Variants in COL21A1 observed in about 807,000 individuals in gnomAD.
The protein encoded by COL21A1 is collagen type XXI alpha 1 chain, also known as collagen alpha-1(XXI) chain.
In COL21A1, 149 loss-of-function variants were observed where a neutral mutation model predicts 137.9. The observed-to-expected ratio is 1.08, with a 90% CI of 0.95 to 1.24. The LOEUF is 1.24. COL21A1 is among the 50% of genes most tolerant of loss of function. The pLI is 0.00. For missense variants in COL21A1, 1,167 were observed against 1,158.4 expected, an observed-to-expected ratio of 1.01 and a Z score of -0.11; for synonymous variants, 456 against 391.5, an observed-to-expected ratio of 1.16 and a Z score of -1.95.
intron 1 of COL21A1, among the ~76,000 whole-genome samples, chr6:56,260,300 C>A (rs935052733): frequency 1.3e-5 from 2 of 151,964 alleles, no homozygotes; most frequent in Non-Finnish European, 2.9e-5. Context: ...AACATGGAAT[C>A]TGGCCAGGTG....
intron 17 of COL21A1, among the ~76,000 whole-genome samples, chr6:56,093,335 C>A (rs1255662016): frequency 6.6e-6 from 1 of 152,094 alleles, no homozygotes; most frequent in African/African-American, 2.4e-5. Context: ...AAATTCTTAT[C>A]TAAATTAATA....
chr6:56,376,037 A>C (rs2093998600), intron 1 of COL21A1, among the ~76,000 whole-genome samples: 2 of 152,214 alleles, frequency 1.3e-5, no homozygotes, highest in Non-Finnish European at 2.9e-5. Context: ...TAGCTGACGT[A>C]TTCTCCAGAA....
intron 1 of COL21A1, among the ~76,000 whole-genome samples, chr6:56,377,809 A>G (rs1015448026): frequency 2.6e-5 from 4 of 151,950 alleles, no homozygotes; most frequent in African/African-American, 9.7e-5. Flanking sequence ...TCCAAAAGAG[A>G]TATGTTCCTT....
At chr6:56,130,110 C>T (rs1313877084) in intron 12 of COL21A1, among the ~76,000 whole-genome samples, 2 of 145,498 alleles carry the variant, frequency 1.4e-5, no homozygotes, top group African/African-American at 5.1e-5. Context: ...AGGAACACAG[C>T]TGAAGCAGGG....
chr6:56,148,332 A>G (rs1323020509), intron 10 of COL21A1, among the ~76,000 whole-genome samples: 1 of 24,712 alleles, frequency 4.0e-5, no homozygotes, highest in Non-Finnish European at 9.2e-5. Context: ...TTAGTGAGAC[A>G]AGAGACAGAG....
intron 9 of COL21A1, among the ~76,000 whole-genome samples, chr6:56,159,727 A>G (rs771200962): frequency 2.0e-5 from 3 of 149,144 alleles, no homozygotes; most frequent in Non-Finnish European, 4.4e-5. Context: ...ACAATCTGTC[A>G]TTTACCCACT....
chr6:56,126,029 T>C, intron 13 of COL21A1, 67 bp downstream of exon 13: 3 of 898,766 alleles, frequency 3.3e-6, no homozygotes, highest in Non-Finnish European at 3.4e-6. Context: ...ATTTGTAATA[T>C]AAAAGTACTT....
intron 1 of COL21A1, among the ~76,000 whole-genome samples, chr6:56,359,758 T>C (rs2152348240): frequency 6.6e-6 from 1 of 152,306 alleles, no homozygotes; most frequent in South Asian, 2.1e-4. Flanking sequence ...TCAGTGGTTT[T>C]GGCAGAGAGA....
At chr6:56,200,027 T>A (rs1325361077) in intron 1 of COL21A1, among the ~76,000 whole-genome samples, 6 of 152,116 alleles carry the variant, frequency 3.9e-5, no homozygotes, top group African/African-American at 1.4e-4. Flanking sequence ...AGAAGGCCTC[T>A]CTAAAAAGGT....
chr6:56,136,692 T>C (rs961684654), intron 12 of COL21A1, among the ~76,000 whole-genome samples: 5 of 152,156 alleles, frequency 3.3e-5, no homozygotes, highest in African/African-American at 1.2e-4. Context: ...AAAAATGTCT[T>C]TGTGTGTGTG....
intron 1 of COL21A1, among the ~76,000 whole-genome samples, chr6:56,288,676 C>T (rs1763969989): frequency 6.6e-6 from 1 of 152,088 alleles, no homozygotes; most frequent in Admixed American, 6.6e-5. Context: ...AGTATACAAG[C>T]CAAAACCAAG....
At chr6:56,153,739 T>C (rs1339004377) in intron 10 of COL21A1, among the ~76,000 whole-genome samples, 1 of 152,164 alleles carries the variant, frequency 6.6e-6, no homozygotes, top group Non-Finnish European at 1.5e-5. Flanking sequence ...TTGACAACAA[T>C]AACACACCTA....
rs371094018 is a variant in COL21A1, at chr6:56,069,101, G to A, written c.2036C>T (p.Thr679Met). The A allele has an allele frequency of 3.8e-5, 61 of 1,598,170 alleles. No homozygotes were observed. Among genetic ancestry groups the A allele is most frequent in the Admixed American group, 2.9e-4 (17 of 58,074 alleles). The change falls in exon 22 of 30, where the codon ACG (threonine) becomes ATG (methionine). Residue 679 changes from threonine (T) to methionine (M), a missense_variant. By Grantham distance (81) the Thr-to-Met change is moderately conservative (BLOSUM62 -1). Coordinates refer to ENST00000244728, the MANE Select transcript of COL21A1 (RefSeq NM_030820.4). The part of the protein sequence containing the change: ...ASGLKGEPGA[T>M]GSPGEPGYMG... Reference sequence around the variant, plus strand: ...GTATCCTGGTTCTCCTGGGGAACCCGTTGCTCCTGGTTCTCCCTATGTAAC... The same window carrying A: ...GTATCCTGGTTCTCCTGGGGAACCCATTGCTCCTGGTTCTCCCTATGTAAC...
At chr6:56,073,965 A>G (rs964296470) in intron 20 of COL21A1, among the ~76,000 whole-genome samples, 1 of 151,470 alleles carries the variant, frequency 6.6e-6, no homozygotes, top group African/African-American at 2.4e-5. Flanking sequence ...GTATTCCTCA[A>G]TACTAGACAC....
chr6:56,060,765 G>T lies in COL21A1; in HGVS notation c.2383C>A (p.Gln795Lys), dbSNP rs775517458. The stretch of plus-strand genomic sequence containing the variant: ...CCTCTTATTACATCTGTGCAAACTT[G>T]TCGAATAAATTGTTCTGAAAACTCT... The part of the protein sequence containing the change: ...GREFSEQFIR[Q>K]VCTDVIRAQL... The change falls in exon 27 of 30, where the codon CAA becomes AAA. Residue 795 changes from glutamine (Q) to lysine (K), a missense_variant. Physicochemically the swap from Gln to Lys is moderately conservative, Grantham distance 53. Transcript: ENST00000244728. 1.2e-6 allele frequency: 2 copies of T among 1,609,710 alleles called. No homozygotes were observed. The highest frequency in any genetic ancestry group is 1.7e-6 in the Non-Finnish European group (2 of 1,178,822).
intron 1 of COL21A1, among the ~76,000 whole-genome samples, chr6:56,331,240 C>T (rs144613239): frequency 2.4e-4 from 37 of 151,028 alleles, no homozygotes; most frequent in African/African-American, 8.9e-4. Flanking sequence ...TTCTTCCATT[C>T]TGCAGGTTGT....
rs369414780 is a variant in COL21A1 at position 56,061,000 on chromosome 6, A to G, written c.2243T>C (p.Ile748Thr). ...CACCCCAGATTCTCCTTTTGATCCA[A>G]TGGCACCTCGGACACCAGGTTCTCC... ...EKGEPGVRGA[I>T]GSKGESGVDG... Residue 748 changes from isoleucine (I) to threonine (T), a missense_variant, in exon 26 of 30, where the codon ATT becomes ACT. Physicochemically the swap from Ile to Thr is moderately conservative, Grantham distance 89. Coordinates refer to ENST00000244728, the MANE Select transcript of COL21A1 (RefSeq NM_030820.4). 9 of 1,609,860 alleles carry G rather than the reference A, an allele frequency of 5.6e-6. No individual in the cohort carries two copies. The highest frequency in any genetic ancestry group is 3.4e-5 in the Admixed American group (2 of 59,070).
At chr6:56,215,059 T>C (rs1352431042) in intron 1 of COL21A1, among the ~76,000 whole-genome samples, 4 of 151,848 alleles carry the variant, frequency 2.6e-5, no homozygotes, top group Non-Finnish European at 5.9e-5. Flanking sequence ...TCCTATGTTA[T>C]ATACGTGTGG....
At chr6:56,389,997 G>A (rs558224033) in intron 1 of COL21A1, among the ~76,000 whole-genome samples, 24 of 152,194 alleles carry the variant, frequency 1.6e-4, no homozygotes, top group Admixed American at 8.5e-4. Context: ...GGTATAAAAC[G>A]CACTGGTAAT....
Sources: gnomAD v4.1 joint callset for allele counts (sites outside exome capture counted in the v4.1 genomes callset) on GRCh38, gnomAD v4.1.1 for gene constraint, MANE v1.5 for transcripts, NCBI Gene and HGNC (gene_info 2026-07-23, HGNC 2026-07-21) for gene names.